Variants in PEX5L observed in about 807,000 individuals in gnomAD.
The protein encoded by PEX5L is peroxisomal biogenesis factor 5 like, also known as PEX5-related protein.
PEX5L carries 30 observed loss-of-function variants against 84.0 expected under a neutral mutation model. That is an observed-to-expected ratio of 0.36 (90% CI 0.27 to 0.48). PEX5L has a LOEUF of 0.48. PEX5L is among the 20% of genes least tolerant of loss of function. The pLI, the probability that PEX5L is intolerant of heterozygous loss-of-function variation, is 0.99. For synonymous variants in PEX5L, 270 were observed against 283.1 expected, an observed-to-expected ratio of 0.95 and a Z score of 0.46; for missense variants, 533 against 754.6, an observed-to-expected ratio of 0.71 and a Z score of 3.44.
rs113462919 is a variant in PEX5L, at chr3:180,005,780, G to A, written c.21+30799C>T. ...GACCAAGGTCTCACTGTATTTCCCAGGCTAGTCTCAAACTCCTGGTCTCAA... is the reference window on the plus strand; with the variant it reads ...GACCAAGGTCTCACTGTATTTCCCAAGCTAGTCTCAAACTCCTGGTCTCAA... On this transcript the variant is annotated intron_variant, in intron 1 of 14. Coordinates refer to ENST00000467460, the MANE Select transcript of PEX5L (RefSeq NM_016559.3). 8.8e-3 allele frequency among the ~76,000 whole-genome samples: 1,342 copies of A among 152,226 alleles called. 18 individuals are homozygous for A. The highest frequency in any genetic ancestry group is 0.031 in the African/African-American group (1,279 of 41,514).
At chr3:179,914,981 A>G (rs559523205) in intron 2 of PEX5L, among the ~76,000 whole-genome samples, 1 of 152,356 alleles carries the variant, frequency 6.6e-6, no homozygotes, top group Admixed American at 6.5e-5. Context: ...ATCTAATTAA[A>G]TGAAATAATT....
At chr3:179,896,325 G>A (rs1473847148) in intron 3 of PEX5L, among the ~76,000 whole-genome samples, 1 of 152,074 alleles carries the variant, frequency 6.6e-6, no homozygotes, top group Admixed American at 6.6e-5. Context: ...AAACCGGCCA[G>A]TATGCAACAA....
intron 7 of PEX5L, among the ~76,000 whole-genome samples, chr3:179,867,795 T>C (rs1041714323): frequency 6.6e-6 from 1 of 152,122 alleles, no homozygotes; most frequent in Non-Finnish European, 1.5e-5. Context: ...AGGCACAAAA[T>C]TGTGTATGGC....
At chr3:179,820,910 T>C (rs2108962489) in intron 8 of PEX5L, among the ~76,000 whole-genome samples, 1 of 151,942 alleles carries the variant, frequency 6.6e-6, no homozygotes, top group South Asian at 2.1e-4. Flanking sequence ...AGGTTCTGAT[T>C]AGTGGGAGAC....
At chr3:179,947,834 G>T (rs1778013476) in intron 2 of PEX5L, among the ~76,000 whole-genome samples, 1 of 151,148 alleles carries the variant, frequency 6.6e-6, no homozygotes, top group South Asian at 2.1e-4. Context: ...AGCCTCCCGA[G>T]TAGCTGGGAC....
intron 8 of PEX5L, among the ~76,000 whole-genome samples, chr3:179,846,522 T>A (rs935912903): frequency 6.6e-6 from 1 of 152,210 alleles, no homozygotes; most frequent in African/African-American, 2.4e-5. Context: ...ACTTTATGTG[T>A]CAACTTGACT....
chr3:180,016,582 G>T (rs984462045), intron 1 of PEX5L, among the ~76,000 whole-genome samples: 1 of 152,160 alleles, frequency 6.6e-6, no homozygotes, highest in Non-Finnish European at 1.5e-5. Context: ...AAGTAGACAT[G>T]TACCAGCAGT....
intron 5 of PEX5L, among the ~76,000 whole-genome samples, chr3:179,878,280 C>T (rs1478355806): frequency 6.6e-6 from 1 of 152,042 alleles, no homozygotes; most frequent in East Asian, 1.9e-4. Flanking sequence ...TTTTTTGGAA[C>T]CTGTCTCTCT....
intron 2 of PEX5L, among the ~76,000 whole-genome samples, chr3:179,907,379 C>G (rs1419290972): frequency 6.6e-6 from 1 of 152,168 alleles, no homozygotes; most frequent in East Asian, 1.9e-4. Flanking sequence ...GTGGCGCAAT[C>G]ATAGCTCACT....
chr3:180,034,171 T>G (rs1791695086), intron 1 of PEX5L, among the ~76,000 whole-genome samples: 1 of 152,226 alleles, frequency 6.6e-6, no homozygotes, highest in Non-Finnish European at 1.5e-5. Flanking sequence ...AAGCACTTTA[T>G]TTTAAAGTCT....
At chr3:179,928,644 C>G (rs981494657) in intron 2 of PEX5L, among the ~76,000 whole-genome samples, 2 of 152,174 alleles carry the variant, frequency 1.3e-5, no homozygotes, top group African/African-American at 4.8e-5. Context: ...TGCAAGCAAC[C>G]ATCACCTACC....
At chr3:179,809,414 G>GTGAT in intron 12 of PEX5L, 57 bp downstream of exon 12, 1 of 1,321,358 alleles carries the variant, frequency 7.6e-7, no homozygotes, top group Non-Finnish European at 1.1e-6. Flanking sequence ...TGCCCTTTAG[G>GTGAT]TGATTCATTG....
At position 179,973,717 on chromosome 3, in the gene PEX5L, C is replaced by A. The variant is rs973542760; in HGVS notation, c.22-2052G>T. 10 of 985,362 alleles carry A rather than the reference C, an allele frequency of 1.0e-5. No individual in the cohort carries two copies. In the African/African-American group the frequency reaches 1.6e-4, roughly 15 times the overall value. 61.0% of individuals were successfully genotyped at this position (985,362 alleles called of 1,614,324 possible). On this transcript the variant is annotated intron_variant, in intron 1 of 14. Transcript: ENST00000467460. The stretch of plus-strand genomic sequence containing the variant: ...CTTCTACAAATACCAAAGTCCGCCT[C>A]TCCAATCTCAACTCCTTATCTAATT...
intron 2 of PEX5L, among the ~76,000 whole-genome samples, chr3:179,940,256 G>A (rs1775708641): frequency 6.6e-6 from 1 of 152,040 alleles, no homozygotes; most frequent in East Asian, 1.9e-4. Flanking sequence ...GAAGCTTGGA[G>A]GAGAGGAATG....
At chr3:179,964,821 G>C (rs1020101356) in intron 2 of PEX5L, among the ~76,000 whole-genome samples, 2 of 152,132 alleles carry the variant, frequency 1.3e-5, no homozygotes, top group Non-Finnish European at 2.9e-5. Context: ...CTCAGTACCT[G>C]CCATTTATAA....
intron 1 of PEX5L, among the ~76,000 whole-genome samples, chr3:180,010,958 G>A (rs1030775875): frequency 1.2e-4 from 19 of 152,290 alleles, no homozygotes; most frequent in Non-Finnish European, 2.2e-4. Context: ...AGTGGAAGGC[G>A]TGCTGGTCTG....
At chr3:179,862,125 C>T (rs554900163) in intron 7 of PEX5L, among the ~76,000 whole-genome samples, 3 of 152,322 alleles carry the variant, frequency 2.0e-5, no homozygotes, top group Non-Finnish European at 4.4e-5. Context: ...TTCCTAGTGG[C>T]TTCAGGCATT....
chr3:179,924,765 A>G (rs1416438938), intron 2 of PEX5L, among the ~76,000 whole-genome samples: 1 of 152,196 alleles, frequency 6.6e-6, no homozygotes, highest in Non-Finnish European at 1.5e-5. Context: ...GCCTCCTTAT[A>G]CCTTAAGTGT....
At chr3:179,881,305 T>A (rs1754093517) in intron 4 of PEX5L, 1 of 152,260 alleles carries the variant, frequency 6.6e-6, no homozygotes, top group South Asian at 2.1e-4. Flanking sequence ...GCTTCATGAG[T>A]TAACCATTCC....
Sources: allele counts gnomAD v4.1 joint callset (sites outside exome capture counted in the v4.1 genomes callset), GRCh38; gene constraint gnomAD v4.1.1; transcripts MANE v1.5; gene names NCBI Gene and HGNC (gene_info 2026-07-23, HGNC 2026-07-21).